AMDHD1: variants seen among roughly 807,000 people sequenced by gnomAD.
AMDHD1 encodes probable imidazolonepropionase.
A neutral mutation model predicts 44.1 loss-of-function variants in AMDHD1; 45 were observed. That is an observed-to-expected ratio of 1.02 (90% CI 0.80 to 1.31). AMDHD1 has a LOEUF of 1.31. AMDHD1 is among the 50% of genes most tolerant of loss of function. The pLI is 0.00. For synonymous variants in AMDHD1, 206 were observed against 205.0 expected, an observed-to-expected ratio of 1.00 and a Z score of -0.04; for missense variants, 586 against 552.1, an observed-to-expected ratio of 1.06 and a Z score of -0.61.
At chr12:95,950,609 A>G (rs2080521594) in intron 1 of AMDHD1, among the ~76,000 whole-genome samples, 1 of 152,054 alleles carries the variant, frequency 6.6e-6, no homozygotes. Context: ...TGATTGCAAT[A>G]CTCCATGGGG....
At position 95,967,750 on chromosome 12, in the gene AMDHD1, TTC is replaced by T; in HGVS notation, c.1194-4_1194-3del. On this transcript the variant is annotated splice_region_variant and splice_polypyrimidine_tract_variant and intron_variant, in intron 8 of 8. Transcript: ENST00000266736. ...TAATATTTGTTGTTTTTTTTTTTTT[TTC>T]TAGATGGGAGCATTTGATTTACCAG... 1 of 1,560,666 alleles carries T rather than the reference TTC, an allele frequency of 6.4e-7. No individual in the cohort carries two copies.
Position 95,968,047 on chromosome 12 carries a change from T to A in AMDHD1, c.*204T>A, listed in dbSNP as rs989001683. ...TTTGACATATAAACAGGTAAACCTATTGTGATTAAAATCACAAAACATCCA... is the reference window on the plus strand; with the variant it reads ...TTTGACATATAAACAGGTAAACCTAATGTGATTAAAATCACAAAACATCCA... On this transcript the variant is annotated 3_prime_UTR_variant, in exon 9 of 9. Coordinates refer to ENST00000266736, the MANE Select transcript of AMDHD1 (RefSeq NM_152435.3). The A allele has an allele frequency of 5.5e-6, 2 of 363,462 alleles. No homozygotes were observed. The highest frequency in any genetic ancestry group is 1.2e-4 in the South Asian group (2 of 16,978). The allele number at this position is 363,462 out of a possible 1,614,324, so 22.5% of individuals were successfully genotyped here. A position where few individuals can be genotyped will look rare whatever the true frequency, so the allele number is the denominator to read the frequency against.
chr12:95,947,726 C>G (rs1445521819), intron 1 of AMDHD1, among the ~76,000 whole-genome samples: 1 of 70,994 alleles, frequency 1.4e-5, no homozygotes, highest in Non-Finnish European at 2.6e-5. Flanking sequence ...GGGGTCAGCC[C>G]CCCCACCCGG....
chr12:95,954,949 G>C lies in AMDHD1; in HGVS notation c.283G>C (p.Glu95Gln). 6.2e-7 allele frequency: 1 copy of C among 1,614,178 alleles called. No individual in the cohort carries two copies. The highest frequency in any genetic ancestry group is 1.3e-5 in the African/African-American group (1 of 75,052). The change falls in exon 3 of 9, where the codon GAA (glutamate) becomes CAA (glutamine). Residue 95 changes from glutamate (E) to glutamine (Q), a missense_variant. Glu to Gln is a conservative substitution (Grantham distance 29). Transcript: ENST00000266736. ...DAHTHPVWAGERVHEFAMKLA... is the reference protein window; with the variant it reads ...DAHTHPVWAGQRVHEFAMKLA... ...ACACACACATCCAGTATGGGCTGGT[G>C]AAAGAGTTCACGAATTTGCAATGAA...
At chr12:95,964,132 TA>T (rs2080596942) in intron 6 of AMDHD1, among the ~76,000 whole-genome samples, 1 of 151,792 alleles carries the variant, frequency 6.6e-6, no homozygotes, top group African/African-American at 2.4e-5. Context: ...AATTCAGCAT[TA>T]AAAGTCTGAA....
chr12:95,960,079 G>C (rs1029158857), intron 4 of AMDHD1, among the ~76,000 whole-genome samples: 3 of 152,138 alleles, frequency 2.0e-5, no homozygotes, highest in Non-Finnish European at 2.9e-5. Context: ...GAGTCACTGT[G>C]CCTGGCCAAA....
chr12:95,965,298 C>CAAAAA (rs34398121), intron 6 of AMDHD1, among the ~76,000 whole-genome samples: 8 of 94,778 alleles, frequency 8.4e-5, no homozygotes, highest in Non-Finnish European at 1.4e-4. Context: ...GATTCCATCT[C>CAAAAA]AAAAAAAAAA....
intron 2 of AMDHD1, 118 bp from the exon 3 acceptor site, chr12:95,954,793 A>G (rs2080542070): frequency 4.6e-6 from 4 of 864,796 alleles, no homozygotes; most frequent in African/African-American, 1.7e-5. Context: ...TGCTCCTCCA[A>G]AATGGATGGC....
intron 8 of AMDHD1, among the ~76,000 whole-genome samples, chr12:95,967,093 A>G (rs2136773013): frequency 6.6e-6 from 1 of 152,344 alleles, no homozygotes. Context: ...GGGAGGCCTC[A>G]CAATCATGGC....
Position 95,968,368 on chromosome 12 carries a change from T to G in AMDHD1, c.*525T>G, listed in dbSNP as rs972423405. 6.5e-6 allele frequency: 1 copy of G among 153,620 alleles called. No individual in the cohort carries two copies. The highest frequency in any genetic ancestry group is 1.9e-4 in the East Asian group (1 of 5,252). 9.5% of individuals were successfully genotyped at this position (153,620 alleles called of 1,614,324 possible). On this transcript the variant is annotated 3_prime_UTR_variant, in exon 9 of 9. Coordinates refer to ENST00000266736, the MANE Select transcript of AMDHD1 (RefSeq NM_152435.3). ...AATTAATGTCCTCTGATGAAGAGTG[T>G]CCTTCCGTTTCTAAGGTCTTCTCAA...
At chr12:95,943,741 C>T (rs1000888926) in intron 1 of AMDHD1, among the ~76,000 whole-genome samples, 2 of 152,214 alleles carry the variant, frequency 1.3e-5, no homozygotes, top group Admixed American at 6.5e-5. Flanking sequence ...GAGGAACACC[C>T]CATTGGAACG....
At chr12:95,954,301 G>T (rs966801689) in intron 2 of AMDHD1, among the ~76,000 whole-genome samples, 3 of 152,088 alleles carry the variant, frequency 2.0e-5, no homozygotes, top group African/African-American at 7.2e-5. Context: ...CAGGAGTAGT[G>T]GCTGATGCTT....
rs571643166 is a variant in AMDHD1, at chr12:95,962,500, A to G, written c.938+21A>G. 104 of 1,517,684 alleles carry G rather than the reference A, an allele frequency of 6.9e-5. 2 individuals carry two copies. In the East Asian group the frequency reaches 2.3e-3, roughly 34 times the overall value. The allele number at this position is 1,517,684 out of a possible 1,614,324, so 94.0% of individuals were successfully genotyped here. On this transcript the variant is annotated intron_variant, in intron 6 of 8. Coordinates refer to ENST00000266736, the MANE Select transcript of AMDHD1 (RefSeq NM_152435.3). ...CTGAGGTAAGGTCGTTTCTCACCCC[A>G]GACCAAGAGCTGCAAGTACAAGCTG...
chr12:95,947,643 C>T (rs1404975663), intron 1 of AMDHD1, among the ~76,000 whole-genome samples: 9 of 60,748 alleles, frequency 1.5e-4, no homozygotes, highest in African/African-American at 7.5e-4. Flanking sequence ...GCCCCCCGCC[C>T]GGCCAGCCGC....
intron 3 of AMDHD1, among the ~76,000 whole-genome samples, chr12:95,955,943 T>C (rs1315814641): frequency 6.6e-6 from 1 of 152,198 alleles, no homozygotes; most frequent in Non-Finnish European, 1.5e-5. Context: ...AGTGGAGATC[T>C]GAATAATTGC....
chr12:95,966,775 G>A lies in AMDHD1; in HGVS notation c.1193+267G>A, dbSNP rs901977988. On this transcript the variant is annotated intron_variant, in intron 8 of 8. Transcript: ENST00000266736. ...TGCTCTGTTTACCTGGACTTTGGCC[G>A]GGTTGTGCCCTCTGGCATGTGTTTG... is the stretch of plus-strand genomic sequence containing the variant. Among the ~76,000 whole-genome samples, 18 of 152,194 alleles carry A rather than the reference G, an allele frequency of 1.2e-4. No individual in the cohort carries two copies. The South Asian group carries it at 1.7e-3, about 14-fold the overall frequency.
intron 6 of AMDHD1, among the ~76,000 whole-genome samples, chr12:95,965,454 C>T (rs1369841466): frequency 6.6e-6 from 1 of 152,134 alleles, no homozygotes; most frequent in African/African-American, 2.4e-5. Context: ...ATGAGATAAA[C>T]AATCATTAAT....
At chr12:95,966,086 A>C (rs904940768) in intron 7 of AMDHD1, among the ~76,000 whole-genome samples, 2 of 152,248 alleles carry the variant, frequency 1.3e-5, no homozygotes, top group African/African-American at 4.8e-5. Context: ...GGTCTTAGTA[A>C]GTATGGAAGT....
In AMDHD1 at chr12:95,954,770, A is replaced by G. The variant is rs905635333; in HGVS notation, c.245-141A>G. ...TCTATCAAGGGAACCAGACAGACAAATTCTTCCTTTCATGCTCCTCCAAAA... is the reference window on the plus strand; with the variant it reads ...TCTATCAAGGGAACCAGACAGACAAGTTCTTCCTTTCATGCTCCTCCAAAA... On this transcript the variant is annotated intron_variant, in intron 2 of 8. Coordinates refer to ENST00000266736, the MANE Select transcript of AMDHD1 (RefSeq NM_152435.3). 1.0e-5 allele frequency: 7 copies of G among 687,832 alleles called. No homozygotes were observed. The African/African-American group carries it at 1.3e-4, about 12-fold the overall frequency. 42.6% of individuals were successfully genotyped at this position (687,832 alleles called of 1,614,324 possible). A position where few individuals can be genotyped will look rare whatever the true frequency, so the allele number is the denominator to read the frequency against.
Sources: gnomAD v4.1 joint callset for allele counts (sites outside exome capture counted in the v4.1 genomes callset) on GRCh38, gnomAD v4.1.1 for gene constraint, MANE v1.5 for transcripts, NCBI Gene and HGNC (gene_info 2026-07-23, HGNC 2026-07-21) for gene names.